Variants in HIBCH observed in about 807,000 individuals in gnomAD.
HIBCH encodes 3-hydroxyisobutyryl-CoA hydrolase, mitochondrial.
Under a neutral mutation model 58.2 loss-of-function variants are expected in HIBCH, and 50 were observed. That is an observed-to-expected ratio of 0.86 (90% CI 0.68 to 1.09). The LOEUF is 1.09. Ranked by LOEUF, HIBCH falls within the 50% of genes least tolerant of loss-of-function variation. The pLI is 0.00. For synonymous variants in HIBCH, 151 were observed against 146.9 expected, an observed-to-expected ratio of 1.03 and a Z score of -0.20; for missense variants, 450 against 449.7, an observed-to-expected ratio of 1.00 and a Z score of -0.01.
At chr2:190,192,350 T>C (rs1689749854) in intron 1 of HIBCH, among the ~76,000 whole-genome samples, 1 of 152,124 alleles carries the variant, frequency 6.6e-6, no homozygotes, top group East Asian at 1.9e-4. Context: ...TGTAGCTTTA[T>C]AGTCATTCTT....
chr2:190,305,191 G>A (rs1011627657), intron 2 of HIBCH, among the ~76,000 whole-genome samples: 1 of 152,104 alleles, frequency 6.6e-6, no homozygotes, highest in Non-Finnish European at 1.5e-5. Context: ...GAAAAGGAGG[G>A]GGGAATCCTT....
In HIBCH at chr2:190,281,158, T is replaced by C. The variant is rs917257992; in HGVS notation, c.438+6428A>G. The C allele has an allele frequency of 1.9e-4, 29 of 152,368 alleles. No individual in the cohort carries two copies. Among genetic ancestry groups the C allele is most frequent in the African/African-American group, 6.8e-4 (28 of 41,458 alleles). The allele number at this position is 152,368 out of a possible 1,614,324, so 9.4% of individuals were successfully genotyped here. On this transcript the variant is annotated intron_variant, in intron 6 of 13. Transcript: ENST00000359678. The surrounding 1 kb of genome is among the most constrained non-coding windows in gnomAD (Gnocchi z 5.4). ...CAATTCCACTTGGCATTCTCCAGAA[T>C]GGACTCTCTGTGGTGGCTCCACCCC...
intron 1 of HIBCH, among the ~76,000 whole-genome samples, chr2:190,198,195 G>A (rs910559442): frequency 6.9e-6 from 1 of 145,422 alleles, no homozygotes; most frequent in African/African-American, 2.8e-5. Context: ...ACTCTTATTA[G>A]GGGTAGGAAC....
intron 4 of HIBCH, among the ~76,000 whole-genome samples, chr2:190,292,773 G>A (rs751885063): frequency 1.2e-4 from 19 of 152,204 alleles, no homozygotes; most frequent in Admixed American, 3.3e-4. Context: ...GGAAAGGAAT[G>A]TAAGTTTTAT....
intron 11 of HIBCH, among the ~76,000 whole-genome samples, chr2:190,233,741 C>A (rs1311824310): frequency 2.6e-5 from 4 of 152,204 alleles, no homozygotes; most frequent in African/African-American, 9.7e-5. Context: ...AGAAAGACTA[C>A]CCACATGGAC....
intron 7 of HIBCH, among the ~76,000 whole-genome samples, chr2:190,253,133 G>A (rs565336016): frequency 6.6e-6 from 1 of 152,186 alleles, no homozygotes; most frequent in South Asian, 2.1e-4. Flanking sequence ...AGGTTGCAGT[G>A]AGCTAATGCC....
downstream of HIBCH, chr2:190,199,918 A>C (rs773014213): frequency 6.2e-7 from 1 of 1,614,114 alleles, no homozygotes; most frequent in Middle Eastern, 1.6e-4. Flanking sequence ...TGAAGGTGAG[A>C]AGCAGCATGA....
chr2:190,227,207 C>A (rs1183072263), intron 11 of HIBCH, among the ~76,000 whole-genome samples: 1 of 152,194 alleles, frequency 6.6e-6, no homozygotes. Flanking sequence ...ACCCAAACAG[C>A]ATGGTACTGG....
At chr2:190,227,998 C>T (rs2105916813) in intron 11 of HIBCH, among the ~76,000 whole-genome samples, 1 of 152,266 alleles carries the variant, frequency 6.6e-6, no homozygotes, top group East Asian at 1.9e-4. Context: ...TGTGGCAATT[C>T]CTCAAGGATC....
intron 6 of HIBCH, among the ~76,000 whole-genome samples, chr2:190,272,546 G>C (rs190105812): frequency 2.5e-4 from 38 of 152,040 alleles, no homozygotes; most frequent in Non-Finnish European, 5.0e-4. Flanking sequence ...GAAATGCACA[G>C]GGCAAAAGGT....
chr2:190,244,865 G>A, intron 11 of HIBCH, 22 bp downstream of exon 11: 2 of 1,501,400 alleles, frequency 1.3e-6, no homozygotes, highest in Non-Finnish European at 1.9e-6. Flanking sequence ...TTCACTCAGG[G>A]CAGAAAGGAT....
At chr2:190,222,028 C>G (rs1305464688) in intron 11 of HIBCH, among the ~76,000 whole-genome samples, 1 of 152,222 alleles carries the variant, frequency 6.6e-6, no homozygotes, top group Non-Finnish European at 1.5e-5. Flanking sequence ...GTCTGGCACA[C>G]TGACCCTCCA....
At chr2:190,224,089 G>A (rs910042001) in intron 11 of HIBCH, among the ~76,000 whole-genome samples, 5 of 152,270 alleles carry the variant, frequency 3.3e-5, no homozygotes, top group African/African-American at 9.6e-5. Flanking sequence ...CTTAGCAAAC[G>A]GCACACCAGG....
At chr2:190,311,618 A>C (rs893123741) in intron 1 of HIBCH, among the ~76,000 whole-genome samples, 3 of 152,238 alleles carry the variant, frequency 2.0e-5, no homozygotes, top group Non-Finnish European at 4.4e-5. Context: ...AAGCATTTGC[A>C]CTAGGGAAAT....
At chr2:190,194,422 T>C (rs1401570110) in intron 1 of HIBCH, among the ~76,000 whole-genome samples, 7 of 151,456 alleles carry the variant, frequency 4.6e-5, no homozygotes, top group South Asian at 4.2e-4. Context: ...TTCAGAGCAG[T>C]TTTAAGTTAA....
chr2:190,194,107 G>A (rs1277456393), intron 1 of HIBCH, among the ~76,000 whole-genome samples: 1 of 152,046 alleles, frequency 6.6e-6, no homozygotes, highest in Non-Finnish European at 1.5e-5. Flanking sequence ...ACTCTCTGGG[G>A]TGGTTAGAAA....
At chr2:190,239,838 C>A (rs1470943550) in intron 11 of HIBCH, among the ~76,000 whole-genome samples, 1 of 152,028 alleles carries the variant, frequency 6.6e-6, no homozygotes, top group Non-Finnish European at 1.5e-5. Context: ...TTAATAGAGA[C>A]AGGGTTTCAC....
At chr2:190,228,021 T>C (rs1244289226) in intron 11 of HIBCH, among the ~76,000 whole-genome samples, 2 of 152,138 alleles carry the variant, frequency 1.3e-5, no homozygotes, top group Non-Finnish European at 2.9e-5. Context: ...GAACTAGAAA[T>C]ACCATTTGAC....
chr2:190,280,756 A>G (rs1032839622), intron 6 of HIBCH, among the ~76,000 whole-genome samples: 1 of 152,178 alleles, frequency 6.6e-6, no homozygotes, highest in Non-Finnish European at 1.5e-5. Flanking sequence ...AAATCAAGGG[A>G]GAAGAAACTC....
Sources: allele counts gnomAD v4.1 joint callset (sites outside exome capture counted in the v4.1 genomes callset), GRCh38; gene constraint gnomAD v4.1.1; non-coding constraint Gnocchi (gnomAD v3.1); transcripts MANE v1.5; gene names NCBI Gene and HGNC (gene_info 2026-07-23, HGNC 2026-07-21).